The following MTA3 variants were observed in gnomAD, a reference collection of about 807,000 sequenced individuals.
MTA3 encodes the protein metastasis associated 1 family member 3, also known as metastasis-associated protein MTA3.
Under a neutral mutation model 83.5 loss-of-function variants are expected in MTA3, and 34 were observed. That is an observed-to-expected ratio of 0.41 (90% CI 0.31 to 0.54). MTA3 has a LOEUF of 0.54. Ranked by LOEUF, MTA3 falls within the 20% of genes least tolerant of loss-of-function variation. MTA3 has a pLI of 0.33. For synonymous variants in MTA3, 303 were observed against 252.7 expected, an observed-to-expected ratio of 1.20 and a Z score of -1.89; for missense variants, 761 against 726.4, an observed-to-expected ratio of 1.05 and a Z score of -0.55.
chr2:42,686,862 T>C (rs1288973869), intron 9 of MTA3, among the ~76,000 whole-genome samples: 2 of 149,050 alleles, frequency 1.3e-5, no homozygotes, highest in Non-Finnish European at 3.0e-5. Context: ...CTCACACTTG[T>C]AATCCAAGCA....
chr2:42,550,784 G>C (rs906938669), intron 2 of MTA3, among the ~76,000 whole-genome samples: 1 of 152,164 alleles, frequency 6.6e-6, no homozygotes, highest in Non-Finnish European at 1.5e-5. Context: ...GCTCATGCCT[G>C]TAATCCCAGC....
intron 6 of MTA3, among the ~76,000 whole-genome samples, chr2:42,645,588 C>A (rs570306586): frequency 1.6e-4 from 24 of 152,080 alleles, no homozygotes; most frequent in African/African-American, 5.5e-4. Flanking sequence ...ACTGCTGATA[C>A]CATGGAGAAA....
intron 2 of MTA3, among the ~76,000 whole-genome samples, chr2:42,572,401 T>G (rs1239947775): frequency 2.0e-5 from 3 of 151,310 alleles, no homozygotes; most frequent in African/African-American, 7.3e-5. Context: ...CTGGGTAACA[T>G]AGGGAAACCC....
intron 2 of MTA3, among the ~76,000 whole-genome samples, chr2:42,514,684 T>TTTTTTTTTTTTTTG (rs1675059199): frequency 8.5e-6 from 1 of 117,216 alleles, no homozygotes; most frequent in Non-Finnish European, 1.7e-5. Context: ...CCCAGCCCCT[T>TTTTTTTTTTTTTTG]TTTTTTTTTT....
intron 4 of MTA3, among the ~76,000 whole-genome samples, chr2:42,620,305 G>T (rs918226858): frequency 2.0e-5 from 3 of 151,898 alleles, no homozygotes; most frequent in African/African-American, 7.3e-5. Flanking sequence ...TTTTAATAGA[G>T]ACGGTGTTTT....
chr2:42,609,620 A>G (rs567767367), intron 4 of MTA3, 36 bp downstream of exon 4: 27 of 1,559,650 alleles, frequency 1.7e-5, no homozygotes, highest in South Asian at 1.1e-4. Context: ...ACTCAGTACT[A>G]CGGTGACCAA....
intron 9 of MTA3, among the ~76,000 whole-genome samples, chr2:42,694,445 T>C (rs1693195810): frequency 1.3e-5 from 2 of 152,136 alleles, no homozygotes; most frequent in African/African-American, 4.8e-5. Flanking sequence ...ACCGATAGGA[T>C]AGGTGATTAC....
intron 16 of MTA3, among the ~76,000 whole-genome samples, chr2:42,726,817 A>G (rs867112195): frequency 6.6e-6 from 1 of 152,200 alleles, no homozygotes; most frequent in Non-Finnish European, 1.5e-5. Context: ...AGAACTCTGT[A>G]TGCTCTATTA....
At position 42,644,167 on chromosome 2, in the gene MTA3, A is replaced by G; in HGVS notation, c.422A>G (p.Lys141Arg). Reference protein sequence around the residue: ...FYSLVYDPSLKTLLADKGEIR... With the variant: ...FYSLVYDPSLRTLLADKGEIR... ...TCATTGGTCTATGACCCCTCATTGA[A>G]AACACTATTAGCTGACAAAGGTGAA... The change falls in exon 6 of 17, where the codon AAA becomes AGA. Residue 141 changes from lysine (K) to arginine (R), a missense_variant. Physicochemically the swap from Lys to Arg is conservative, Grantham distance 26. Transcript: ENST00000405094. 6.2e-7 allele frequency: 1 copy of G among 1,612,786 alleles called. No homozygotes were observed. The highest frequency in any genetic ancestry group is 1.7e-5 in the Admixed American group (1 of 59,806).
chr2:42,522,602 C>G (rs974636104), intron 2 of MTA3, among the ~76,000 whole-genome samples: 1 of 151,572 alleles, frequency 6.6e-6, no homozygotes, highest in African/African-American at 2.4e-5. Flanking sequence ...TCTAGACCAT[C>G]CTGGGCATCA....
intron 10 of MTA3, among the ~76,000 whole-genome samples, chr2:42,697,407 T>A (rs898626258): frequency 1.3e-5 from 2 of 151,642 alleles, no homozygotes; most frequent in East Asian, 1.9e-4. Flanking sequence ...AGAGTGAGAG[T>A]GTGTGTGTTT....
chr2:42,643,351 T>C (rs1687877239), intron 5 of MTA3, among the ~76,000 whole-genome samples: 1 of 152,170 alleles, frequency 6.6e-6, no homozygotes, highest in African/African-American at 2.4e-5. Flanking sequence ...AGATGGGACT[T>C]CTGCTTCTGG....
intron 11 of MTA3, among the ~76,000 whole-genome samples, chr2:42,699,363 G>A (rs1286426765): frequency 6.6e-6 from 1 of 152,030 alleles, no homozygotes; most frequent in African/African-American, 2.4e-5. Context: ...CACCACACCC[G>A]ACTAATTTAT....
chr2:42,701,729 A>T (rs963382332), intron 11 of MTA3, among the ~76,000 whole-genome samples: 1 of 151,944 alleles, frequency 6.6e-6, no homozygotes, highest in African/African-American at 2.4e-5. Context: ...AAGCCTGGCC[A>T]ACATGGTGAA....
intron 2 of MTA3, among the ~76,000 whole-genome samples, chr2:42,549,394 T>A (rs1476633693): frequency 8.5e-6 from 1 of 118,266 alleles, no homozygotes; most frequent in Non-Finnish European, 1.6e-5. Flanking sequence ...ATGTATATAT[T>A]ATATATACGT....
chr2:42,592,136 C>T (rs6544570), intron 3 of MTA3, among the ~76,000 whole-genome samples: 114,251 of 151,992 alleles, frequency 0.75, 43,314 homozygotes, highest in South Asian at 0.88. Context: ...TGGTGGTAAA[C>T]ACCTGTAGTC....
chr2:42,547,648 A>G (rs994886799), intron 2 of MTA3, among the ~76,000 whole-genome samples: 2 of 152,174 alleles, frequency 1.3e-5, no homozygotes, highest in Non-Finnish European at 2.9e-5. Flanking sequence ...TCTTATTTGA[A>G]CACTCAGCAG....
At chr2:42,591,183 CAT>C (rs1481014923) in intron 3 of MTA3, among the ~76,000 whole-genome samples, 29 of 152,254 alleles carry the variant, frequency 1.9e-4, no homozygotes, top group South Asian at 1.0e-3. Context: ...AATCTGTACA[CAT>C]GTTATTGTAT....
At chr2:42,741,394 A>G (rs1001931931) in intron 16 of MTA3, among the ~76,000 whole-genome samples, 2 of 152,232 alleles carry the variant, frequency 1.3e-5, no homozygotes, top group Non-Finnish European at 2.9e-5. Context: ...TCCAAGTTGC[A>G]TTCACCACTT....
Sources: allele counts gnomAD v4.1 joint callset (sites outside exome capture counted in the v4.1 genomes callset), GRCh38; gene constraint gnomAD v4.1.1; transcripts MANE v1.5; gene names NCBI Gene and HGNC (gene_info 2026-07-23, HGNC 2026-07-21).